The following PCDHA2 variants were observed in gnomAD, a reference collection of about 807,000 sequenced individuals.
PCDHA2 encodes the protein protocadherin alpha-2.
PCDHA2 carries 58 observed loss-of-function variants against 66.0 expected under a neutral mutation model. The ratio of observed to expected loss-of-function variants is 0.88; its 90% CI spans 0.71 to 1.09. PCDHA2 has a LOEUF of 1.09. Among genes scored for constraint, PCDHA2 ranks in the 50% least tolerant of loss-of-function variants. The probability of loss-of-function intolerance (pLI) is 0.00; values close to 1 mark genes in which losing one functional copy is unlikely to be tolerated. For synonymous variants in PCDHA2, 634 were observed against 554.0 expected (o/e 1.14, Z -2.03); for missense variants, 1,267 against 1,242.3 (o/e 1.02, Z -0.30).
intron 1 of PCDHA2, chr5:140,811,944 G>A (rs1554125857): frequency 1.3e-5 from 2 of 151,960 alleles, no homozygotes; most frequent in Non-Finnish European, 2.9e-5. Context: ...CTCCCATTCT[G>A]TAGGTTGCCT....
At chr5:140,920,565 G>A (rs1225212458) in intron 1 of PCDHA2, among the ~76,000 whole-genome samples, 27 of 152,152 alleles carry the variant, frequency 1.8e-4, no homozygotes, top group Admixed American at 1.6e-3. Context: ...TGGCCCTTAG[G>A]CCAGGAGCAG....
chr5:140,968,089 C>T lies in PCDHA2; in HGVS notation c.2389-10860C>T, dbSNP rs546330069. ...CTGTCTACAACATCACGGTGACAGC[C>T]ACAGATGGGGGAATACCGCAGCTCA... On this transcript the variant is annotated intron_variant, in intron 1 of 3. Transcript: ENST00000526136. 120 of 1,614,126 alleles carry T rather than the reference C, an allele frequency of 7.4e-5. 1 individual carries two copies. The South Asian group carries it at 1.2e-3, about 16-fold the overall frequency.
chr5:140,984,140 A>G (rs2097088641), intron 3 of PCDHA2, among the ~76,000 whole-genome samples: 1 of 152,240 alleles, frequency 6.6e-6, no homozygotes, highest in Non-Finnish European at 1.5e-5. Context: ...ATGTGGAGGC[A>G]TCTGGGAAGG....
Position 140,838,640 on chromosome 5 carries a change from A to G in PCDHA2, c.2388+41288A>G, listed in dbSNP as rs1775814503. On this transcript the variant is annotated intron_variant, in intron 1 of 3. Coordinates refer to ENST00000526136, the MANE Select transcript of PCDHA2 (RefSeq NM_018905.3). ...TTTTTACAAATAATTTGGTTGGTCAAAAAAATGATAGTTAACGGGGCATGG... is the reference window on the plus strand; with the variant it reads ...TTTTTACAAATAATTTGGTTGGTCAGAAAAATGATAGTTAACGGGGCATGG... Among the ~76,000 whole-genome samples, 5 of 152,166 alleles carry G rather than the reference A, an allele frequency of 3.3e-5. 1 individual carries two copies. In the South Asian group the frequency reaches 8.3e-4, roughly 25 times the overall value.
At chr5:140,883,597 G>T (rs2059691205) in intron 1 of PCDHA2, 3 of 1,614,004 alleles carry the variant, frequency 1.9e-6, no homozygotes, top group Middle Eastern at 1.7e-4. Context: ...GCGTGTCGGT[G>T]GGGGTGGCCG....
chr5:140,835,866 G>T (rs2150246890), intron 1 of PCDHA2: 3 of 1,612,132 alleles, frequency 1.9e-6, no homozygotes, highest in Admixed American at 3.3e-5. Context: ...CTACTCGCTG[G>T]TGGAGCTGCG....
At chr5:140,826,874 A>G (rs1217835279) in intron 1 of PCDHA2, among the ~76,000 whole-genome samples, 1 of 152,186 alleles carries the variant, frequency 6.6e-6, no homozygotes, top group Non-Finnish European at 1.5e-5. Flanking sequence ...GTAAAATTCA[A>G]TGAAAGCTGT....
chr5:140,928,551 G>T, intron 1 of PCDHA2: 2 of 1,614,164 alleles, frequency 1.2e-6, no homozygotes, highest in Non-Finnish European at 1.7e-6. Context: ...ACAATTATCC[G>T]GTTATCTTGT....
intron 1 of PCDHA2, among the ~76,000 whole-genome samples, chr5:140,888,764 T>G (rs74654123): frequency 6.6e-6 from 1 of 152,068 alleles, no homozygotes; most frequent in Non-Finnish European, 1.5e-5. Flanking sequence ...CTTTTTTTTT[T>G]AATTTTGAAG....
At chr5:140,835,990 G>A in intron 1 of PCDHA2, 3 of 1,613,318 alleles carry the variant, frequency 1.9e-6, no homozygotes, top group Non-Finnish European at 2.5e-6. Context: ...TTCCAGGTGA[G>A]CGCGCGCGAT....
chr5:140,925,124 A>AGGAAGGAAGG (rs1554202565), intron 1 of PCDHA2, among the ~76,000 whole-genome samples: 1 of 151,854 alleles, frequency 6.6e-6, no homozygotes. Flanking sequence ...GAAGGAAGGA[A>AGGAAGGAAGG]AAAAAATTTC....
At position 140,835,575 on chromosome 5, in the gene PCDHA2, G is replaced by A; in HGVS notation, c.2388+38223G>A. The A allele has an allele frequency of 6.2e-7, 1 of 1,613,870 alleles. No individual in the cohort carries two copies. ...GACGCCCCGCGTTCCCTTCAAGTTG[G>A]TGTCCACCTTCAAGAATTACTATTC... On this transcript the variant is annotated intron_variant, in intron 1 of 3. Transcript: ENST00000526136.
intron 1 of PCDHA2, chr5:140,884,367 T>G (rs2060126363): frequency 1.2e-6 from 2 of 1,613,928 alleles, no homozygotes; most frequent in Middle Eastern, 3.3e-4. Context: ...AATGTTTACT[T>G]GATCATTGCC....
intron 1 of PCDHA2, chr5:140,883,965 T>C: frequency 6.2e-7 from 1 of 1,613,128 alleles, no homozygotes; most frequent in Non-Finnish European, 8.5e-7. Flanking sequence ...CCGGCGCTGC[T>C]GACGCCCGGG....
intron 1 of PCDHA2, among the ~76,000 whole-genome samples, chr5:140,900,125 G>A (rs2067765908): frequency 6.6e-6 from 1 of 152,056 alleles, no homozygotes; most frequent in South Asian, 2.1e-4. Context: ...TTGATTTTTA[G>A]GTACCACAAA....
Position 140,883,261 on chromosome 5 carries a change from G to A in PCDHA2, c.2388+85909G>A, listed in dbSNP as rs148578758. The A allele has an allele frequency of 8.1e-5, 131 of 1,613,912 alleles. No individual in the cohort carries two copies. In the African/African-American group the frequency reaches 1.7e-3, roughly 21 times the overall value. On this transcript the variant is annotated intron_variant, in intron 1 of 3. Transcript: ENST00000526136. Reference sequence around the variant, plus strand: ...TTGACAAAGGAAATATTCCAATGGCGGGTCATTGTACCCTTTTGGTGGAAG... The same window carrying A: ...TTGACAAAGGAAATATTCCAATGGCAGGTCATTGTACCCTTTTGGTGGAAG...
At chr5:140,947,192 C>G (rs958443362) in intron 1 of PCDHA2, among the ~76,000 whole-genome samples, 27 of 151,038 alleles carry the variant, frequency 1.8e-4, no homozygotes, top group African/African-American at 6.6e-4. Flanking sequence ...GTATACTACA[C>G]AGCCTTAAAA....
chr5:140,868,940 A>G, intron 1 of PCDHA2: 1 of 1,249,402 alleles, frequency 8.0e-7, no homozygotes, highest in South Asian at 1.6e-5. Context: ...GGTTGGTCTG[A>G]ACAGTGAGGC....
rs17844298 is a variant in PCDHA2, at chr5:140,823,840, G to C, written c.2388+26488G>C. On this transcript the variant is annotated intron_variant, in intron 1 of 3. Transcript: ENST00000526136. ...GGCGTCGGCGGGCGCTGTGGGTCCC[G>C]AGGCTGCCCTGGTGGATGTCAACGT... 1.5e-3 allele frequency: 2,499 copies of C among 1,613,840 alleles called. 57 individuals carry two copies. The East Asian group carries it at 0.044, about 28-fold the overall frequency.
Sources: allele counts gnomAD v4.1 joint callset (sites outside exome capture counted in the v4.1 genomes callset), GRCh38; gene constraint gnomAD v4.1.1; transcripts MANE v1.5; gene names NCBI Gene and HGNC (gene_info 2026-07-23, HGNC 2026-07-21).